Variants in RPS6KA2 observed in about 807,000 individuals in gnomAD.
RPS6KA2 encodes the protein ribosomal protein S6 kinase alpha-2.
Under a neutral mutation model 91.8 loss-of-function variants are expected in RPS6KA2, and 42 were observed. The observed-to-expected ratio is 0.46, with a 90% CI of 0.36 to 0.59. The LOEUF is 0.59. Ranked by LOEUF, RPS6KA2 falls within the 20% of genes least tolerant of loss-of-function variation. The pLI is 0.00. For synonymous variants in RPS6KA2, 414 were observed against 393.6 expected, an observed-to-expected ratio of 1.05 and a Z score of -0.61; for missense variants, 798 against 978.5, an observed-to-expected ratio of 0.82 and a Z score of 2.46.
intron 1 of RPS6KA2, among the ~76,000 whole-genome samples, chr6:166,543,531 C>T (rs1783726777): frequency 6.6e-6 from 1 of 152,144 alleles, no homozygotes; most frequent in Admixed American, 6.5e-5. Flanking sequence ...CTATTCACTC[C>T]CTCTCACTTG....
chr6:166,527,494 A>C (rs757869255), intron 3 of RPS6KA2, among the ~76,000 whole-genome samples: 11 of 152,234 alleles, frequency 7.2e-5, no homozygotes, highest in Non-Finnish European at 8.8e-5. Flanking sequence ...TCGAGGATGA[A>C]AGAGTGGGTT....
rs1343257394 is a variant in RPS6KA2 at position 166,666,129 on chromosome 6, C to T, written c.124-127345G>A. Among the ~76,000 whole-genome samples, 1 of 152,222 alleles carries T rather than the reference C, an allele frequency of 6.6e-6. No homozygotes were observed. The highest frequency in any genetic ancestry group is 2.4e-5 in the African/African-American group (1 of 41,456). ...AATGATGGCAGGAAAAAGCTGAACTCACTTCAGAAGTTGGTGTCTAAAATT... is the reference window on the plus strand; with the variant it reads ...AATGATGGCAGGAAAAAGCTGAACTTACTTCAGAAGTTGGTGTCTAAAATT... On this transcript the variant is annotated intron_variant, in intron 2 of 21. Transcript: ENST00000503859. The surrounding 1 kb of genome is among the most constrained non-coding windows in gnomAD (Gnocchi z 4.0).
At chr6:166,531,337 C>G in intron 2 of RPS6KA2, 24 bp from the exon 3 acceptor site, 1 of 1,579,294 alleles carries the variant, frequency 6.3e-7, no homozygotes, top group South Asian at 1.1e-5. Flanking sequence ...AACGGAACAT[C>G]AGAAACCCGT....
intron 2 of RPS6KA2, among the ~76,000 whole-genome samples, chr6:166,640,424 A>C (rs1339992106): frequency 1.6e-4 from 24 of 152,228 alleles, no homozygotes; most frequent in Admixed American, 1.1e-3. Flanking sequence ...GGAGCTGAGA[A>C]TAGCCCGTGT....
At chr6:166,762,135 G>C (rs776308746) in intron 2 of RPS6KA2, among the ~76,000 whole-genome samples, 4 of 152,178 alleles carry the variant, frequency 2.6e-5, no homozygotes, top group Non-Finnish European at 4.4e-5. Flanking sequence ...AGAAACCTTA[G>C]GTACTGGTTT....
chr6:166,644,436 C>T (rs1044630845), intron 2 of RPS6KA2, among the ~76,000 whole-genome samples: 1 of 152,142 alleles, frequency 6.6e-6, no homozygotes, highest in African/African-American at 2.4e-5. Flanking sequence ...ATTACATGTC[C>T]TTCCGGGAAC....
intron 2 of RPS6KA2, among the ~76,000 whole-genome samples, chr6:166,692,743 A>T (rs1789247220): frequency 6.6e-6 from 1 of 152,202 alleles, no homozygotes; most frequent in South Asian, 2.1e-4. Flanking sequence ...AAACCAAACA[A>T]CACGGCAGGC....
chr6:166,709,636 G>A (rs1444481098), intron 2 of RPS6KA2, among the ~76,000 whole-genome samples: 1 of 152,162 alleles, frequency 6.6e-6, no homozygotes, highest in Admixed American at 6.5e-5. Context: ...TGGGTTAAGA[G>A]GATTAGTAAA....
At chr6:166,807,967 C>T (rs930472433) in intron 2 of RPS6KA2, among the ~76,000 whole-genome samples, 3 of 152,246 alleles carry the variant, frequency 2.0e-5, no homozygotes, top group East Asian at 1.9e-4. Context: ...GAGCTCCCAC[C>T]GCTGCAGGGG....
At chr6:166,681,716 T>A (rs1788822612) in intron 2 of RPS6KA2, among the ~76,000 whole-genome samples, 1 of 42,628 alleles carries the variant, frequency 2.3e-5, no homozygotes, top group Non-Finnish European at 3.6e-5. Context: ...CCGCCCAAGA[T>A]CTTGCTCTTG....
intron 12 of RPS6KA2, among the ~76,000 whole-genome samples, chr6:166,456,122 C>A (rs1243507983): frequency 6.6e-6 from 1 of 152,180 alleles, no homozygotes; most frequent in African/African-American, 2.4e-5. Context: ...CCAAGAGGCA[C>A]GGAAGACACA....
At chr6:166,602,104 G>A (rs114896458) in intron 1 of RPS6KA2, among the ~76,000 whole-genome samples, 3 of 152,354 alleles carry the variant, frequency 2.0e-5, no homozygotes, top group African/African-American at 7.2e-5. Context: ...CCTGACATGT[G>A]AAGGGAGTCT....
chr6:166,659,166 ATGAGCAT>A (rs1408628357), intron 2 of RPS6KA2, among the ~76,000 whole-genome samples: 4 of 72,404 alleles, frequency 5.5e-5, no homozygotes, highest in African/African-American at 2.4e-4. Flanking sequence ...CATGAAGAAA[ATGAGCAT>A]GAAGTCAGAC....
chr6:166,480,475 GATTTTATATAT>G (rs1302735479), intron 10 of RPS6KA2, among the ~76,000 whole-genome samples: 656 of 60,998 alleles, frequency 0.011, 27 homozygotes, highest in Middle Eastern at 0.045. Context: ...TTAAGATTGT[GATTTTATATAT>G]ATATATATAT....
chr6:166,488,017 C>T (rs145631460), intron 10 of RPS6KA2, among the ~76,000 whole-genome samples: 211 of 151,980 alleles, frequency 1.4e-3, no homozygotes, highest in Middle Eastern at 6.8e-3. Context: ...GTATTTTTTC[C>T]GAAATGAAGT....
chr6:166,838,516 A>G (rs1780377699), intron 2 of RPS6KA2, among the ~76,000 whole-genome samples: 1 of 152,246 alleles, frequency 6.6e-6, no homozygotes, highest in South Asian at 2.1e-4. Context: ...AATCAAAAAA[A>G]GTTTATCTAG....
chr6:166,774,440 G>C (rs912772879), intron 2 of RPS6KA2, among the ~76,000 whole-genome samples: 31 of 152,138 alleles, frequency 2.0e-4, no homozygotes, highest in Non-Finnish European at 2.2e-4. Context: ...TTTACCCAGC[G>C]AGCGTCCCGG....
intron 17 of RPS6KA2, among the ~76,000 whole-genome samples, chr6:166,420,783 A>AT (rs912036404): frequency 1.9e-4 from 29 of 152,322 alleles, no homozygotes; most frequent in Middle Eastern, 3.4e-3. Flanking sequence ...ACGTGATAAC[A>AT]TTTAATTTTT....
chr6:166,614,352 C>T (rs945730179), intron 1 of RPS6KA2, among the ~76,000 whole-genome samples: 5 of 152,196 alleles, frequency 3.3e-5, no homozygotes, highest in Admixed American at 2.0e-4. Context: ...CGTAATACCT[C>T]GAGCCCCCAT....
Sources: allele counts gnomAD v4.1 joint callset (sites outside exome capture counted in the v4.1 genomes callset), GRCh38; gene constraint gnomAD v4.1.1; non-coding constraint Gnocchi (gnomAD v3.1); transcripts MANE v1.5; gene names NCBI Gene and HGNC (gene_info 2026-07-23, HGNC 2026-07-21).